Variants in PRIM2 observed in about 807,000 individuals in gnomAD.
The protein encoded by PRIM2 is DNA primase large subunit.
PRIM2 carries 39 observed loss-of-function variants against 67.3 expected under a neutral mutation model. The observed-to-expected ratio is 0.58, with a 90% CI of 0.45 to 0.76. The LOEUF is 0.76. Ranked by LOEUF, PRIM2 falls within the 30% of genes least tolerant of loss-of-function variation. PRIM2 has a pLI of 0.00. For missense variants in PRIM2, 398 were observed against 598.7 expected (o/e 0.66, Z 3.50); for synonymous variants, 143 against 198.7 (o/e 0.72, Z 2.36).
At chr6:57,398,283 A>G (rs1581863087) in intron 7 of PRIM2, among the ~76,000 whole-genome samples, 1 of 152,026 alleles carries the variant, frequency 6.6e-6, no homozygotes, top group Admixed American at 6.6e-5. Flanking sequence ...TTATGTGGCT[A>G]TTTAGTGCTA....
At chr6:57,318,138 C>A (rs1211873535) in intron 1 of PRIM2, among the ~76,000 whole-genome samples, 1 of 152,198 alleles carries the variant, frequency 6.6e-6, no homozygotes, top group Non-Finnish European at 1.5e-5. Flanking sequence ...CAGTGACACA[C>A]AGGCCTATAA....
chr6:57,364,935 T>C (rs1001027762), intron 5 of PRIM2, among the ~76,000 whole-genome samples: 1 of 152,176 alleles, frequency 6.6e-6, no homozygotes, highest in Non-Finnish European at 1.5e-5. Flanking sequence ...TTCAGTGAGA[T>C]GTAGATCTGA....
rs1158756343 is a variant in PRIM2, at chr6:57,401,535, TC to T, written c.693+19371del. On this transcript the variant is annotated intron_variant, in intron 7 of 13. Transcript: ENST00000615550. ...TTCCCTCTTAATGTGTGGGGTCCTC[TC>T]CCCTTTGAGTGCTGGCTGTAGATTG... Among the ~76,000 whole-genome samples, 5 of 152,244 alleles carry T rather than the reference TC, an allele frequency of 3.3e-5. No individual in the cohort carries two copies. In the South Asian group the frequency reaches 1.0e-3, roughly 32 times the overall value.
chr6:57,574,062 C>T (rs1775916254), intron 10 of PRIM2, among the ~76,000 whole-genome samples: 1 of 151,876 alleles, frequency 6.6e-6, no homozygotes, highest in African/African-American at 2.4e-5. Flanking sequence ...CTAGGACCTT[C>T]ATTTGCATAA....
chr6:57,256,484 T>C, the PRIM2 span, among the ~76,000 whole-genome samples: 1 of 152,228 alleles, frequency 6.6e-6, no homozygotes, highest in Non-Finnish European at 1.5e-5. Flanking sequence ...AGTCACATTA[T>C]TATAAATCAT....
At chr6:57,276,235 C>CA in the PRIM2 span, among the ~76,000 whole-genome samples, 1 of 151,784 alleles carries the variant, frequency 6.6e-6, no homozygotes, top group African/African-American at 2.4e-5. Flanking sequence ...ACTAAAAACA[C>CA]AAAAATTAGC....
chr6:57,292,153 G>T, the PRIM2 span, among the ~76,000 whole-genome samples: 6 of 152,084 alleles, frequency 3.9e-5, no homozygotes, highest in African/African-American at 1.2e-4. Flanking sequence ...CAAAGTCTCA[G>T]GATACAAAAT....
upstream of PRIM2, among the ~76,000 whole-genome samples, chr6:57,312,981 T>C (rs574507699): frequency 6.6e-6 from 1 of 152,322 alleles, no homozygotes; most frequent in South Asian, 2.1e-4. Flanking sequence ...GGATCTGTCA[T>C]ATACTAAGTT....
At chr6:57,311,359 G>C (rs1302442925), upstream of PRIM2, among the ~76,000 whole-genome samples, 1 of 151,018 alleles carries the variant, frequency 6.6e-6, no homozygotes, top group Non-Finnish European at 1.5e-5. Flanking sequence ...CCCAGACGGG[G>C]CGGCGGGGCA....
chr6:57,529,138 G>A (rs1172476023), intron 8 of PRIM2, among the ~76,000 whole-genome samples: 2 of 151,994 alleles, frequency 1.3e-5, no homozygotes, highest in Admixed American at 6.5e-5. Context: ...GTGAAACCCC[G>A]TCACTACTCA....
intron 10 of PRIM2, among the ~76,000 whole-genome samples, chr6:57,588,121 T>C (rs1171640684): frequency 1.3e-5 from 2 of 152,004 alleles, no homozygotes; most frequent in Admixed American, 6.5e-5. Flanking sequence ...GACAAAACCA[T>C]TAGGGGACAT....
At chr6:57,448,479 G>C (rs559384887) in intron 7 of PRIM2, among the ~76,000 whole-genome samples, 5 of 152,292 alleles carry the variant, frequency 3.3e-5, no homozygotes, top group Non-Finnish European at 5.9e-5. Flanking sequence ...GGGAAGCACA[G>C]TCTCAAGAGG....
chr6:57,564,087 G>C (rs1453573032), intron 10 of PRIM2, among the ~76,000 whole-genome samples: 1 of 152,188 alleles, frequency 6.6e-6, no homozygotes, highest in Non-Finnish European at 1.5e-5. Context: ...ATTTAAAGGA[G>C]TGATGTAGTT....
At chr6:57,480,526 T>A (rs1334362801) in intron 7 of PRIM2, among the ~76,000 whole-genome samples, 3 of 152,228 alleles carry the variant, frequency 2.0e-5, no homozygotes, top group Non-Finnish European at 4.4e-5. Context: ...TATGGATTCA[T>A]GTAACCATCA....
intron 8 of PRIM2, among the ~76,000 whole-genome samples, chr6:57,519,455 G>A (rs1351122850): frequency 6.6e-6 from 1 of 152,224 alleles, no homozygotes; most frequent in Non-Finnish European, 1.5e-5. Flanking sequence ...TCTCAGGGAT[G>A]TTCCTTGCTG....
At chr6:57,228,615 A>G in the PRIM2 span, among the ~76,000 whole-genome samples, 1 of 152,174 alleles carries the variant, frequency 6.6e-6, no homozygotes, top group African/African-American at 2.4e-5. Context: ...GGGGTATGGG[A>G]GGGCCCCAGG....
the PRIM2 span, among the ~76,000 whole-genome samples, chr6:57,308,665 AAC>A: frequency 1.3e-5 from 2 of 152,162 alleles, no homozygotes; most frequent in Non-Finnish European, 2.9e-5. Context: ...GTTCCTAGTC[AAC>A]ACGCAATATT....
At chr6:57,496,916 C>T (rs1364139209) in intron 7 of PRIM2, among the ~76,000 whole-genome samples, 2 of 152,136 alleles carry the variant, frequency 1.3e-5, no homozygotes, top group Admixed American at 6.5e-5. Flanking sequence ...TTGTCTCAGC[C>T]AACTCCCAGC....
chr6:57,360,738 A>G (rs1769168014), intron 5 of PRIM2, among the ~76,000 whole-genome samples: 1 of 152,206 alleles, frequency 6.6e-6, no homozygotes, highest in African/African-American at 2.4e-5. Context: ...ATACAGCATC[A>G]AAATTCTCTT....
Sources: allele counts gnomAD v4.1 joint callset (sites outside exome capture counted in the v4.1 genomes callset), GRCh38; gene constraint gnomAD v4.1.1; transcripts MANE v1.5; gene names NCBI Gene and HGNC (gene_info 2026-07-23, HGNC 2026-07-21).